ASAP1: variants seen among roughly 807,000 people sequenced by gnomAD.
ASAP1 encodes arf-GAP with SH3 domain, ANK repeat and PH domain-containing protein 1.
In ASAP1, 43 loss-of-function variants were observed where a neutral mutation model predicts 145.2. That is an observed-to-expected ratio of 0.30 (90% CI 0.23 to 0.38). The LOEUF (loss-of-function observed/expected upper bound fraction) is 0.38. Ranked by LOEUF, ASAP1 falls within the 10% of genes least tolerant of loss-of-function variation. The pLI is 1.00. For synonymous variants in ASAP1, 546 were observed against 515.5 expected (o/e 1.06, Z -0.80); for missense variants, 1,018 against 1,355.3 (o/e 0.75, Z 3.91).
chr8:130,064,642 A>G (rs1592719284), intron 27 of ASAP1, among the ~76,000 whole-genome samples: 2 of 152,108 alleles, frequency 1.3e-5, no homozygotes, highest in East Asian at 3.9e-4. Flanking sequence ...CAAGCAGCGG[A>G]TACCAGCCAG....
chr8:130,188,892 T>TA (rs1814941425), intron 5 of ASAP1, among the ~76,000 whole-genome samples: 1 of 152,188 alleles, frequency 6.6e-6, no homozygotes, highest in African/African-American at 2.4e-5. Context: ...TTGTAGCTCT[T>TA]ACGGTGAATT....
chr8:130,118,338 G>A lies in ASAP1; in HGVS notation c.1795-92C>T, dbSNP rs971341681. 35 of 1,386,538 alleles carry A rather than the reference G, an allele frequency of 2.5e-5. No homozygotes were observed. The African/African-American group carries it at 3.6e-4, about 14-fold the overall frequency. 85.9% of individuals were successfully genotyped at this position (1,386,538 alleles called of 1,614,324 possible). ...TCAGTTGCCCCCAAGTAATTATAAG[G>A]AGCACACCTCTTCACTCTCATATTC... On this transcript the variant is annotated intron_variant, in intron 19 of 29. Transcript: ENST00000518721.
intron 5 of ASAP1, among the ~76,000 whole-genome samples, chr8:130,198,703 G>A (rs115727085): frequency 5.5e-4 from 83 of 152,264 alleles, no homozygotes; most frequent in African/African-American, 1.8e-3. Flanking sequence ...TAAGTAACTC[G>A]CCCAAGGTCA....
intron 9 of ASAP1, among the ~76,000 whole-genome samples, chr8:130,178,660 T>G (rs1306571540): frequency 6.6e-6 from 1 of 151,902 alleles, no homozygotes; most frequent in Non-Finnish European, 1.5e-5. Flanking sequence ...AAGGCCAAGG[T>G]GGATCGCGAG....
intron 7 of ASAP1, 48 bp from the exon 8 acceptor site, chr8:130,180,928 T>C: frequency 1.4e-6 from 2 of 1,459,940 alleles, no homozygotes; most frequent in Non-Finnish European, 9.4e-7. Flanking sequence ...AATACACTCA[T>C]GTACAATACC....
intron 2 of ASAP1, among the ~76,000 whole-genome samples, chr8:130,365,277 G>A (rs1461251010): frequency 6.6e-6 from 1 of 152,236 alleles, no homozygotes; most frequent in Non-Finnish European, 1.5e-5. Context: ...TATTCAGTCA[G>A]TCTGAATCCA....
At chr8:130,419,773 T>A (rs904145131) in intron 1 of ASAP1, among the ~76,000 whole-genome samples, 4 of 152,092 alleles carry the variant, frequency 2.6e-5, no homozygotes, top group Non-Finnish European at 5.9e-5. Context: ...GGGGTCACTG[T>A]GAAACGGCTG....
intron 3 of ASAP1, among the ~76,000 whole-genome samples, chr8:130,306,247 G>C (rs918051826): frequency 1.3e-5 from 2 of 152,184 alleles, no homozygotes; most frequent in African/African-American, 4.8e-5. Context: ...TAGGCACTTA[G>C]AAGGTGTTAC....
At chr8:130,304,090 C>T (rs555304865) in intron 3 of ASAP1, among the ~76,000 whole-genome samples, 4 of 151,828 alleles carry the variant, frequency 2.6e-5, no homozygotes, top group East Asian at 1.9e-4. Flanking sequence ...ACTTTTGGCT[C>T]GATTTTTCTG....
At chr8:130,416,439 C>T (rs1012786331) in intron 1 of ASAP1, among the ~76,000 whole-genome samples, 7 of 152,324 alleles carry the variant, frequency 4.6e-5, no homozygotes, top group South Asian at 2.1e-4. Flanking sequence ...TGGGCACACA[C>T]GGTCATTTCC....
chr8:130,090,332 T>C (rs1205551262), intron 25 of ASAP1, among the ~76,000 whole-genome samples: 4 of 152,214 alleles, frequency 2.6e-5, no homozygotes, highest in East Asian at 3.8e-4. Flanking sequence ...ATTTGTGATA[T>C]GAAACGCTGA....
At chr8:130,093,865 T>C (rs1470009145) in intron 24 of ASAP1, among the ~76,000 whole-genome samples, 1 of 152,106 alleles carries the variant, frequency 6.6e-6, no homozygotes, top group African/African-American at 2.4e-5. Flanking sequence ...TGTCAATTAC[T>C]AGTCCCTACC....
intron 3 of ASAP1, among the ~76,000 whole-genome samples, chr8:130,326,486 G>C (rs778840629): frequency 6.6e-6 from 1 of 152,172 alleles, no homozygotes; most frequent in Admixed American, 6.5e-5. Flanking sequence ...TACACACCAC[G>C]AACAGACTGG....
At chr8:130,117,099 C>G (rs934340016) in intron 20 of ASAP1, 104 bp from the exon 21 acceptor site, 1 of 674,378 alleles carries the variant, frequency 1.5e-6, no homozygotes, top group Non-Finnish European at 2.5e-6. Flanking sequence ...AATTTGAGAC[C>G]TAATTATTAT....
At chr8:130,373,084 A>AC (rs200162907) in intron 2 of ASAP1, among the ~76,000 whole-genome samples, 5,267 of 140,476 alleles carry the variant, frequency 0.037, 142 homozygotes, top group Middle Eastern at 0.068. Flanking sequence ...ACACACAGAC[A>AC]CCCCCCCACA....
chr8:130,116,156 C>A (rs796734739), intron 22 of ASAP1, among the ~76,000 whole-genome samples: 5 of 152,320 alleles, frequency 3.3e-5, no homozygotes, highest in African/African-American at 1.2e-4. Context: ...AAAGGCCCAA[C>A]TGGTGGGCCT....
At chr8:130,222,954 A>G (rs996823435) in intron 4 of ASAP1, among the ~76,000 whole-genome samples, 6 of 152,144 alleles carry the variant, frequency 3.9e-5, no homozygotes, top group Non-Finnish European at 8.8e-5. Context: ...GAAACCTGAA[A>G]ATCCAGGTCT....
At chr8:130,397,168 T>A (rs11785806) in intron 2 of ASAP1, among the ~76,000 whole-genome samples, 6,796 of 152,054 alleles carry the variant, frequency 0.045, 159 homozygotes, top group Middle Eastern at 0.075. Context: ...TAAGAAAGAG[T>A]CTAGTTCTGT....
rs377158161 is a variant in ASAP1 at position 130,299,290 on chromosome 8, AAC to A, written c.186+58725_186+58726del. Among the ~76,000 whole-genome samples the A allele has an allele frequency of 3.6e-4, 55 of 152,340 alleles. 1 individual carries two copies. The East Asian group carries it at 9.4e-3, about 26-fold the overall frequency. On this transcript the variant is annotated intron_variant, in intron 3 of 29. Transcript: ENST00000518721. ...TGTGGAGCCCAGGGAAACTGAAAAA[AAC>A]AGTTACTTATGTTTCTAATGTTTGG... is the stretch of plus-strand genomic sequence containing the variant.
Sources: gnomAD v4.1 joint callset for allele counts (sites outside exome capture counted in the v4.1 genomes callset) on GRCh38, gnomAD v4.1.1 for gene constraint, MANE v1.5 for transcripts, NCBI Gene and HGNC (gene_info 2026-07-23, HGNC 2026-07-21) for gene names.